Variants in DGKI observed in about 807,000 individuals in gnomAD.
DGKI encodes DAG kinase iota.
Under a neutral mutation model 147.5 loss-of-function variants are expected in DGKI, and 55 were observed. That is an observed-to-expected ratio of 0.37 (90% CI 0.30 to 0.47). The LOEUF (loss-of-function observed/expected upper bound fraction) is 0.47. Among genes scored for constraint, DGKI ranks in the 20% least tolerant of loss-of-function variants. The pLI is 1.00. For synonymous variants in DGKI, 469 were observed against 477.1 expected (o/e 0.98, Z 0.22); for missense variants, 1,007 against 1,323.8 (o/e 0.76, Z 3.71).
At chr7:137,479,573 C>T (rs1408773139) in intron 23 of DGKI, among the ~76,000 whole-genome samples, 3 of 152,136 alleles carry the variant, frequency 2.0e-5, no homozygotes, top group Admixed American at 1.3e-4. Context: ...TTAATGAAGG[C>T]ACAGCAGCCC....
At chr7:137,818,328 C>T (rs1160477845) in intron 1 of DGKI, among the ~76,000 whole-genome samples, 1 of 152,202 alleles carries the variant, frequency 6.6e-6, no homozygotes, top group Non-Finnish European at 1.5e-5. Context: ...AAGTGCACTC[C>T]TCAGATGGCT....
intron 1 of DGKI, among the ~76,000 whole-genome samples, chr7:137,744,126 A>G (rs1795258914): frequency 6.6e-6 from 1 of 152,180 alleles, no homozygotes; most frequent in African/African-American, 2.4e-5. Flanking sequence ...GAAAGGATAA[A>G]TAAGATTAAT....
rs114787655 is a variant in DGKI at position 137,475,543 on chromosome 7, G to T, written c.2374-5924C>A. Among the ~76,000 whole-genome samples the T allele has an allele frequency of 6.5e-3, 988 of 152,292 alleles. 13 individuals carry two copies. The highest frequency in any genetic ancestry group is 0.022 in the African/African-American group (935 of 41,564). On this transcript the variant is annotated intron_variant, in intron 23 of 32. Coordinates refer to ENST00000614521, the MANE Select transcript of DGKI (RefSeq NM_001321708.2). ...TAACGTGTCACTTGCTAATTTGTCA[G>T]TTGTCACAAAACTATACATTATTCT... is the stretch of plus-strand genomic sequence containing the variant.
chr7:137,806,244 C>G (rs1338371626), intron 1 of DGKI, among the ~76,000 whole-genome samples: 2 of 152,214 alleles, frequency 1.3e-5, no homozygotes, highest in South Asian at 2.1e-4. Context: ...TGCGTTGCAT[C>G]TAAATCAGGT....
intron 23 of DGKI, among the ~76,000 whole-genome samples, chr7:137,482,218 A>G (rs1208635929): frequency 6.6e-6 from 1 of 152,020 alleles, no homozygotes; most frequent in African/African-American, 2.4e-5. Flanking sequence ...GACACTGTCC[A>G]TTACTCCTTC....
rs1798746790 is a variant in DGKI at position 137,846,668 on chromosome 7, C to T, written c.195G>A (p.Ala65=). 2 of 1,073,586 alleles carry T rather than the reference C, an allele frequency of 1.9e-6. No individual in the cohort carries two copies. The highest frequency in any genetic ancestry group is 2.3e-6 in the Non-Finnish European group (2 of 884,508). The allele number at this position is 1,073,586 out of a possible 1,614,324, so 66.5% of individuals were successfully genotyped here. ...PSSSAGEEKG[A]TGGSSSSGSG... is the part of the protein sequence containing the mutation. ...TTCCGCTGCTGCTGCTGCCGCCCGT[C>T]GCCCCTTTCTCCTCTCCCGCCGAGG... The change falls in exon 1 of 33, where the codon GCG becomes GCA. Residue 65 remains alanine (A), a synonymous_variant. Transcript: ENST00000614521. The surrounding 1 kb of genome is among the most constrained non-coding windows in gnomAD (Gnocchi z 4.0).
chr7:137,805,546 A>C (rs1192454138), intron 1 of DGKI, among the ~76,000 whole-genome samples: 1 of 152,198 alleles, frequency 6.6e-6, no homozygotes, highest in Non-Finnish European at 1.5e-5. Context: ...GATTATCTCC[A>C]CCAGAAACAA....
chr7:137,700,813 A>T (rs1211672622), intron 1 of DGKI, among the ~76,000 whole-genome samples: 1 of 152,060 alleles, frequency 6.6e-6, no homozygotes, highest in Non-Finnish European at 1.5e-5. Context: ...GGGAGGCAGA[A>T]GTTGGAGTGA....
chr7:137,743,512 C>A (rs1467166117), intron 1 of DGKI, among the ~76,000 whole-genome samples: 1 of 152,070 alleles, frequency 6.6e-6, no homozygotes, highest in Non-Finnish European at 1.5e-5. Context: ...GTAAACTAAA[C>A]AACTTGCACA....
intron 1 of DGKI, among the ~76,000 whole-genome samples, chr7:137,837,916 C>T (rs1798432904): frequency 1.3e-5 from 2 of 151,218 alleles, no homozygotes; most frequent in South Asian, 2.1e-4. Context: ...ACACTGAGGA[C>T]GGTGCTTCAA....
chr7:137,535,913 G>A (rs761616321), intron 20 of DGKI, among the ~76,000 whole-genome samples: 1 of 151,994 alleles, frequency 6.6e-6, no homozygotes, highest in Non-Finnish European at 1.5e-5. Flanking sequence ...CACTCCTTAC[G>A]ATTCTAAAAG....
chr7:137,770,076 A>G (rs1256857311), intron 1 of DGKI, among the ~76,000 whole-genome samples: 1 of 152,212 alleles, frequency 6.6e-6, no homozygotes, highest in Non-Finnish European at 1.5e-5. Flanking sequence ...ACCTACCCAA[A>G]TGCCCATCAG....
chr7:137,523,096 A>C (rs1817020813), intron 20 of DGKI, among the ~76,000 whole-genome samples: 1 of 152,116 alleles, frequency 6.6e-6, no homozygotes, highest in South Asian at 2.1e-4. Flanking sequence ...GGAGAGAGGA[A>C]GGGAGAGAAT....
At chr7:137,426,978 T>C (rs1228213564) in intron 28 of DGKI, among the ~76,000 whole-genome samples, 1 of 150,522 alleles carries the variant, frequency 6.6e-6, no homozygotes, top group Admixed American at 6.6e-5. Flanking sequence ...ACTGTCAACA[T>C]TAGACAGATC....
intron 23 of DGKI, among the ~76,000 whole-genome samples, chr7:137,481,805 A>T (rs906867962): frequency 6.6e-6 from 1 of 152,110 alleles, no homozygotes; most frequent in Non-Finnish European, 1.5e-5. Context: ...TTCTGGTCTT[A>T]GAAAACAGTC....
Position 137,846,333 on chromosome 7 carries a change from G to C in DGKI, c.401+129C>G. The stretch of plus-strand genomic sequence containing the variant: ...AAGACAGACATCCCCGGGAGGAGAG[G>C]GGGAAAGGGGGAAGGAGAGGCGTGG... On this transcript the variant is annotated intron_variant, in intron 1 of 32. Coordinates refer to ENST00000614521, the MANE Select transcript of DGKI (RefSeq NM_001321708.2). This position sits in a 1 kb window ranked among gnomAD's most constrained non-coding sequence, Gnocchi z 4.0. 1 of 528,426 alleles carries C rather than the reference G, an allele frequency of 1.9e-6. No homozygotes were observed. Among genetic ancestry groups the C allele is most frequent in the South Asian group, 2.1e-5 (1 of 47,930 alleles). 32.7% of individuals were successfully genotyped at this position (528,426 alleles called of 1,614,324 possible).
At chr7:137,399,936 A>G (rs1156804088) in intron 30 of DGKI, among the ~76,000 whole-genome samples, 1 of 152,056 alleles carries the variant, frequency 6.6e-6, no homozygotes, top group African/African-American at 2.4e-5. Flanking sequence ...GAAAGAAAGA[A>G]AAGAGTCAAT....
At chr7:137,501,856 G>A (rs13231997) in intron 21 of DGKI, among the ~76,000 whole-genome samples, 16,529 of 152,146 alleles carry the variant, frequency 0.11, 1,392 homozygotes, top group African/African-American at 0.23. Context: ...ATCTCATCTT[G>A]TAGCTCCCAT....
intron 19 of DGKI, among the ~76,000 whole-genome samples, chr7:137,558,005 C>T (rs1245147002): frequency 2.0e-5 from 3 of 152,180 alleles, no homozygotes; most frequent in Non-Finnish European, 4.4e-5. Context: ...GACCTCTTTT[C>T]AGTTCTTCTA....
Sources: gnomAD v4.1 joint callset for allele counts (sites outside exome capture counted in the v4.1 genomes callset) on GRCh38, gnomAD v4.1.1 for gene constraint, Gnocchi (gnomAD v3.1) non-coding constraint, MANE v1.5 for transcripts, NCBI Gene and HGNC (gene_info 2026-07-23, HGNC 2026-07-21) for gene names.